The following BRINP1 variants were observed in gnomAD, a reference collection of about 807,000 sequenced individuals.
The protein encoded by BRINP1 is BMP/retinoic acid inducible neural specific 1, also known as BMP/retinoic acid-inducible neural-specific protein 1.
Under a neutral mutation model 72.9 loss-of-function variants are expected in BRINP1, and 17 were observed. The ratio of observed to expected loss-of-function variants is 0.23; its 90% CI spans 0.16 to 0.35. BRINP1 has a LOEUF of 0.35. BRINP1 is among the 10% of genes least tolerant of loss of function. BRINP1 has a pLI of 1.00. For missense variants in BRINP1, 850 were observed against 1,001.6 expected (o/e 0.85, Z 2.04); for synonymous variants, 418 against 378.5 (o/e 1.10, Z -1.21).
At chr9:119,358,975 G>A (rs1831601781) in intron 1 of BRINP1, among the ~76,000 whole-genome samples, 2 of 152,192 alleles carry the variant, frequency 1.3e-5, no homozygotes, top group Admixed American at 1.3e-4. Context: ...GGAAGGCAGT[G>A]CCTTGAACCT....
rs772295899 is a variant in BRINP1, at chr9:119,167,130, G to A, written c.2240C>T (p.Thr747Met). 8.7e-6 allele frequency: 14 copies of A among 1,613,732 alleles called. No homozygotes were observed. The East Asian group carries it at 8.9e-5, about 10-fold the overall frequency. The change falls in exon 8 of 8, where the codon ACG becomes ATG. Residue 747 changes from threonine (T) to methionine (M), a missense_variant. Coordinates refer to ENST00000265922, the MANE Select transcript of BRINP1 (RefSeq NM_014618.3). The surrounding 1 kb of genome is among the most constrained non-coding windows in gnomAD (Gnocchi z 4.3). ...CTGGTCCGACTGTTTGAGGATCTCC[G>A]TGTTGTACAGGTCCAAGGCGTGGTT... The part of the protein sequence containing the change: ...RVNHALDLYN[T>M]EILKQSDQMT...
chr9:119,273,378 C>T (rs1037089893), intron 2 of BRINP1, among the ~76,000 whole-genome samples: 1 of 151,892 alleles, frequency 6.6e-6, no homozygotes, highest in African/African-American at 2.4e-5. Flanking sequence ...AGTCTGAATC[C>T]AAAATGAGGC....
intron 2 of BRINP1, among the ~76,000 whole-genome samples, chr9:119,297,664 A>G (rs1830894267): frequency 6.6e-6 from 1 of 152,194 alleles, no homozygotes; most frequent in Non-Finnish European, 1.5e-5. Flanking sequence ...TGGTTCTGAA[A>G]TGAACCCTAA....
At chr9:119,195,683 C>A (rs1003621253) in intron 7 of BRINP1, among the ~76,000 whole-genome samples, 1 of 152,186 alleles carries the variant, frequency 6.6e-6, no homozygotes, top group Non-Finnish European at 1.5e-5. Flanking sequence ...TGCTGGTTAG[C>A]AGTCGTGCCA....
chr9:119,247,556 G>A (rs904129709), intron 3 of BRINP1, among the ~76,000 whole-genome samples: 1 of 151,790 alleles, frequency 6.6e-6, no homozygotes, highest in African/African-American at 2.4e-5. Context: ...TCGGCGGGCT[G>A]AGGCAGGAGA....
At chr9:119,271,592 C>T (rs1005158337) in intron 2 of BRINP1, among the ~76,000 whole-genome samples, 1 of 151,286 alleles carries the variant, frequency 6.6e-6, no homozygotes, top group Non-Finnish European at 1.5e-5. Context: ...AGAAACATGC[C>T]AAAATATTAC....
chr9:119,170,148 T>TGA (rs1327712330), intron 7 of BRINP1, among the ~76,000 whole-genome samples: 1 of 152,010 alleles, frequency 6.6e-6, no homozygotes, highest in East Asian at 1.9e-4. Context: ...TTTGACGAGC[T>TGA]GAGAGAAGAA....
Position 119,369,337 on chromosome 9 carries a change from T to G in BRINP1, c.-332A>C, listed in dbSNP as rs1831730832. The stretch of plus-strand genomic sequence containing the variant: ...CGCTCTCGCTGTTGCTCGCTCGCTC[T>G]CTCCCTCTCTCGCGGGTTCGCTCGC... On this transcript the variant is annotated 5_prime_UTR_variant, in exon 1 of 8. Coordinates refer to ENST00000265922, the MANE Select transcript of BRINP1 (RefSeq NM_014618.3). The G allele has an allele frequency of 2.5e-6, 1 of 398,422 alleles. No homozygotes were observed. Among genetic ancestry groups the G allele is most frequent in the Non-Finnish European group, 4.4e-6 (1 of 226,080 alleles). 24.7% of individuals were successfully genotyped at this position (398,422 alleles called of 1,614,324 possible).
intron 2 of BRINP1, among the ~76,000 whole-genome samples, chr9:119,272,542 G>A (rs1012972514): frequency 2.0e-5 from 3 of 152,116 alleles, no homozygotes; most frequent in Non-Finnish European, 4.4e-5. Context: ...ATGCCTCAGG[G>A]GCACCAATTG....
chr9:119,202,965 A>G (rs189925666), intron 7 of BRINP1, among the ~76,000 whole-genome samples: 5 of 152,264 alleles, frequency 3.3e-5, no homozygotes, highest in African/African-American at 9.6e-5. Flanking sequence ...CCTACAGGGA[A>G]CATGTCTTTC....
intron 6 of BRINP1, 74 bp from the exon 7 acceptor site, chr9:119,209,015 G>A: frequency 8.0e-7 from 1 of 1,244,394 alleles, no homozygotes; most frequent in Non-Finnish European, 1.2e-6. Flanking sequence ...TGAATGCTTA[G>A]TGTCACTTTC....
In BRINP1 at chr9:119,359,906, A is replaced by G. The variant is rs192199721; in HGVS notation, c.-51+9150T>C. Among the ~76,000 whole-genome samples the G allele has an allele frequency of 2.7e-3, 410 of 152,324 alleles. 3 individuals carry two copies. Among genetic ancestry groups the G allele is most frequent in the African/African-American group, 8.9e-3 (371 of 41,584 alleles). On this transcript the variant is annotated intron_variant, in intron 1 of 7. Coordinates refer to ENST00000265922, the MANE Select transcript of BRINP1 (RefSeq NM_014618.3). ...AACGGCTTTAGGGCAGTGACATTTC[A>G]GCCATCTCTAAATGTTATGGATGAA...
At chr9:119,257,756 C>T (rs1485894814) in intron 2 of BRINP1, among the ~76,000 whole-genome samples, 2 of 152,130 alleles carry the variant, frequency 1.3e-5, no homozygotes, top group African/African-American at 4.8e-5. Flanking sequence ...TTTCTCTTGC[C>T]TGCTGTTCCC....
chr9:119,355,694 A>T (rs1231215611), intron 1 of BRINP1, among the ~76,000 whole-genome samples: 2 of 148,580 alleles, frequency 1.3e-5, no homozygotes, highest in Admixed American at 1.4e-4. Context: ...GCACCACTGC[A>T]CTCCAGCCTG....
At chr9:119,331,549 T>C (rs1831300681) in intron 1 of BRINP1, among the ~76,000 whole-genome samples, 1 of 152,214 alleles carries the variant, frequency 6.6e-6, no homozygotes, top group South Asian at 2.1e-4. Flanking sequence ...GCTCCTTCTA[T>C]GGTACTGGTT....
chr9:119,207,514 C>G (rs1025728360), intron 7 of BRINP1, among the ~76,000 whole-genome samples: 4 of 152,196 alleles, frequency 2.6e-5, no homozygotes, highest in Non-Finnish European at 4.4e-5. Context: ...CTTTTGAAGT[C>G]ACATATTTCT....
intron 7 of BRINP1, among the ~76,000 whole-genome samples, chr9:119,186,727 G>T (rs1016936875): frequency 1.3e-5 from 2 of 152,148 alleles, no homozygotes; most frequent in African/African-American, 4.8e-5. Context: ...TCTGAAGTAT[G>T]CACGACTGAG....
chr9:119,218,083 C>T (rs2118881602), intron 5 of BRINP1, among the ~76,000 whole-genome samples: 1 of 152,172 alleles, frequency 6.6e-6, no homozygotes, highest in South Asian at 2.1e-4. Flanking sequence ...TTTCTATCAT[C>T]CCCATTAGAG....
chr9:119,303,291 G>GACACACAC (rs35386714), intron 2 of BRINP1, among the ~76,000 whole-genome samples: 1,519 of 117,446 alleles, frequency 0.013, 22 homozygotes, highest in African/African-American at 0.034. Flanking sequence ...CACACACACA[G>GACACACAC]ACACACACAC....
Sources: allele counts gnomAD v4.1 joint callset (sites outside exome capture counted in the v4.1 genomes callset), GRCh38; gene constraint gnomAD v4.1.1; non-coding constraint Gnocchi (gnomAD v3.1); transcripts MANE v1.5; gene names NCBI Gene and HGNC (gene_info 2026-07-23, HGNC 2026-07-21).